The following FRMD4A variants were observed in gnomAD, a reference collection of about 807,000 sequenced individuals.
The protein encoded by FRMD4A is FERM domain containing 4A, also known as FERM domain-containing protein 4A.
In FRMD4A, 29 loss-of-function variants were observed where a neutral mutation model predicts 129.1. That is an observed-to-expected ratio of 0.22 (90% CI 0.17 to 0.31). The LOEUF is 0.31. FRMD4A is among the 10% of genes least tolerant of loss of function. The pLI, the probability that FRMD4A is intolerant of heterozygous loss-of-function variation, is 1.00. For missense variants in FRMD4A, 1,272 were observed against 1,375.8 expected (o/e 0.92, Z 1.19); for synonymous variants, 634 against 571.6 (o/e 1.11, Z -1.56).
intron 8 of FRMD4A, among the ~76,000 whole-genome samples, chr10:13,757,743 T>C (rs375610522): frequency 1.3e-5 from 2 of 152,304 alleles, no homozygotes; most frequent in East Asian, 3.9e-4. Flanking sequence ...CACTTTTGAC[T>C]TCGTCTTTTT....
In FRMD4A at chr10:14,030,917, C is replaced by T. The variant is rs190619215; in HGVS notation, c.46-172005G>A. Among the ~76,000 whole-genome samples the T allele has an allele frequency of 1.4e-4, 22 of 152,338 alleles. No individual in the cohort carries two copies. The East Asian group carries it at 3.5e-3, about 24-fold the overall frequency. On this transcript the variant is annotated intron_variant, in intron 2 of 24. Transcript: ENST00000357447. The stretch of plus-strand genomic sequence containing the variant: ...TCCAGCCCCACCGCAGTCCCTGGCT[C>T]ATGCACCCACAACCCCTGACCAGTC...
intron 2 of FRMD4A, among the ~76,000 whole-genome samples, chr10:14,185,784 AATCCAG>A (rs987186938): frequency 1.3e-5 from 2 of 152,216 alleles, no homozygotes; most frequent in African/African-American, 4.8e-5. Context: ...AGATACGTAC[AATCCAG>A]ACTAGTCCTG....
rs78504336 is a variant in FRMD4A, at chr10:14,215,296, C to T, written c.45+114762G>A. ...TAATTAAAGCCATCAATATGAACCA[C>T]TTGAGTTTGAAAGGATCCAATATTT... On this transcript the variant is annotated intron_variant, in intron 2 of 24. Transcript: ENST00000357447. Among the ~76,000 whole-genome samples, 9 of 152,272 alleles carry T rather than the reference C, an allele frequency of 5.9e-5. No homozygotes were observed. The East Asian group carries it at 1.7e-3, about 29-fold the overall frequency.
At chr10:14,063,494 G>T (rs991692386) in intron 2 of FRMD4A, among the ~76,000 whole-genome samples, 2 of 151,696 alleles carry the variant, frequency 1.3e-5, no homozygotes, top group Non-Finnish European at 2.9e-5. Context: ...AAGGAACATA[G>T]CCCAAATTAA....
At chr10:13,709,684 C>G (rs2087818942) in intron 12 of FRMD4A, among the ~76,000 whole-genome samples, 1 of 152,212 alleles carries the variant, frequency 6.6e-6, no homozygotes, top group Admixed American at 6.5e-5. Context: ...CCCTCAGCCG[C>G]TATCCTGCAC....
At chr10:14,248,448 T>A (rs1844322855) in intron 2 of FRMD4A, among the ~76,000 whole-genome samples, 1 of 149,754 alleles carries the variant, frequency 6.7e-6, no homozygotes, top group African/African-American at 2.5e-5. Flanking sequence ...GTGTTCGTTA[T>A]CTCTAGAGCC....
At chr10:14,250,663 A>G (rs1044216618) in intron 2 of FRMD4A, among the ~76,000 whole-genome samples, 6 of 152,178 alleles carry the variant, frequency 3.9e-5, no homozygotes, top group African/African-American at 1.4e-4. Context: ...TTCTCTTTTA[A>G]CCCAGTCCTT....
At chr10:13,786,002 TTCTTAA>T (rs2092849885) in intron 5 of FRMD4A, among the ~76,000 whole-genome samples, 1 of 152,276 alleles carries the variant, frequency 6.6e-6, no homozygotes, top group African/African-American at 2.4e-5. Flanking sequence ...GTGCCACATT[TTCTTAA>T]TCCAGTCTAC....
chr10:13,884,847 C>T (rs933739072), intron 2 of FRMD4A, among the ~76,000 whole-genome samples: 2 of 152,226 alleles, frequency 1.3e-5, no homozygotes, highest in Admixed American at 1.3e-4. Context: ...GGCTAGGTGA[C>T]ACTTGTGAAA....
chr10:14,288,543 C>A (rs906773903), intron 2 of FRMD4A, among the ~76,000 whole-genome samples: 1 of 152,104 alleles, frequency 6.6e-6, no homozygotes, highest in Non-Finnish European at 1.5e-5. Context: ...CTTCATCTTG[C>A]CAGATTTTAG....
In FRMD4A at chr10:13,780,146, G is replaced by A. The variant is rs574527868; in HGVS notation, c.384+2776C>T. On this transcript the variant is annotated intron_variant, in intron 6 of 24. Transcript: ENST00000357447. The stretch of plus-strand genomic sequence containing the variant: ...GTTTGAGACCAGCCTGGGCAACATG[G>A]CAAAACCCCATCTCTATTAAAAATA... Among the ~76,000 whole-genome samples, 508 of 152,224 alleles carry A rather than the reference G, an allele frequency of 3.3e-3. 2 individuals carry two copies. Among genetic ancestry groups the A allele is most frequent in the African/African-American group, 0.012 (485 of 41,514 alleles).
At chr10:13,802,967 G>T (rs144761810) in intron 4 of FRMD4A, among the ~76,000 whole-genome samples, 354 of 152,214 alleles carry the variant, frequency 2.3e-3, no homozygotes, top group African/African-American at 8.3e-3. Context: ...GGCTAACATG[G>T]TGAAACCCCG....
At chr10:14,175,159 T>G (rs1164568371) in intron 2 of FRMD4A, among the ~76,000 whole-genome samples, 1 of 152,206 alleles carries the variant, frequency 6.6e-6, no homozygotes. Context: ...TAAATGTGGC[T>G]ACACACATCT....
chr10:14,249,350 T>TCAAAAAAAAAAAAAAAAAAAAAAAAAAA (rs1564416620), intron 2 of FRMD4A, among the ~76,000 whole-genome samples: 1 of 121,446 alleles, frequency 8.2e-6, no homozygotes, highest in African/African-American at 2.8e-5. Flanking sequence ...AGAATCTGTC[T>TCAAAAAAAAAAAAAAAAAAAAAAAAAAA]TAAAAAAAAA....
chr10:14,011,675 A>C (rs1041856273), intron 2 of FRMD4A, among the ~76,000 whole-genome samples: 17 of 152,160 alleles, frequency 1.1e-4, no homozygotes, highest in African/African-American at 4.1e-4. Context: ...CATTGGACCA[A>C]AGGAATGGGA....
At chr10:13,874,472 A>G (rs1028733620) in intron 2 of FRMD4A, among the ~76,000 whole-genome samples, 1 of 152,164 alleles carries the variant, frequency 6.6e-6, no homozygotes, top group Non-Finnish European at 1.5e-5. Flanking sequence ...GGAAAAAACT[A>G]TGGATTTGAC....
chr10:13,693,591 G>A, intron 15 of FRMD4A: 1 of 968,734 alleles, frequency 1.0e-6, no homozygotes, highest in Non-Finnish European at 1.4e-6. Flanking sequence ...ATTCCCGACA[G>A]CTTGCCATGG....
chr10:13,804,259 ATAAATT>A (rs1214747151), intron 4 of FRMD4A, among the ~76,000 whole-genome samples: 3 of 152,348 alleles, frequency 2.0e-5, no homozygotes, highest in African/African-American at 7.2e-5. Flanking sequence ...CTATTTCCAA[ATAAATT>A]GCTTTCCCAG....
At chr10:14,147,622 C>T (rs964534528) in intron 2 of FRMD4A, among the ~76,000 whole-genome samples, 33 of 152,148 alleles carry the variant, frequency 2.2e-4, no homozygotes, top group African/African-American at 7.5e-4. Flanking sequence ...AAGGAACGTG[C>T]GACCTAGATC....
Sources: allele counts gnomAD v4.1 joint callset (sites outside exome capture counted in the v4.1 genomes callset), GRCh38; gene constraint gnomAD v4.1.1; transcripts MANE v1.5; gene names NCBI Gene and HGNC (gene_info 2026-07-23, HGNC 2026-07-21).